Variants in KRT8 observed in about 807,000 individuals in gnomAD.
KRT8 encodes keratin, type II cytoskeletal 8.
A neutral mutation model predicts 43.0 loss-of-function variants in KRT8; 24 were observed. That is an observed-to-expected ratio of 0.56 (90% CI 0.40 to 0.78). The LOEUF is 0.78. Among genes scored for constraint, KRT8 ranks in the 30% least tolerant of loss-of-function variants. KRT8 has a pLI of 0.00. For synonymous variants in KRT8, 214 were observed against 261.2 expected (o/e 0.82, Z 1.74); for missense variants, 492 against 638.4 (o/e 0.77, Z 2.47).
upstream of KRT8, chr12:52,906,560 C>G (rs1319637501): frequency 2.5e-6 from 1 of 395,424 alleles, no homozygotes; most frequent in Non-Finnish European, 5.1e-6. Context: ...GCAAGGCACC[C>G]CAGGCCTGGG....
At chr12:52,906,292 G>C (rs1227276852), upstream of KRT8, among the ~76,000 whole-genome samples, 2 of 152,122 alleles carry the variant, frequency 1.3e-5, no homozygotes, top group African/African-American at 4.8e-5. Flanking sequence ...GGACTTCATA[G>C]TTCTTGCTCT....
intron 1 of KRT8, among the ~76,000 whole-genome samples, chr12:52,903,154 A>C (rs1318855771): frequency 2.6e-5 from 4 of 152,206 alleles, no homozygotes; most frequent in Non-Finnish European, 5.9e-5. Flanking sequence ...TTTAAAAAAA[A>C]GTGATTATAA....
At position 52,903,146 on chromosome 12, in the gene KRT8, T is replaced by A. The variant is rs1004022000; in HGVS notation, c.325-1074A>T. On this transcript the variant is annotated intron_variant, in intron 1 of 7. Transcript: ENST00000692008. ...GTCATTCTGCCCCAAAATTATTTTT[T>A]AAAAAAAAGTGATTATAACATCTTA... Among the ~76,000 whole-genome samples, 57 of 152,132 alleles carry A rather than the reference T, an allele frequency of 3.7e-4. 1 individual carries two copies. The highest frequency in any genetic ancestry group is 1.1e-3 in the African/African-American group (47 of 41,524).
At chr12:52,900,232 C>A (rs1362174392) in intron 4 of KRT8, among the ~76,000 whole-genome samples, 167 bp from the exon 5 acceptor site, 6 of 152,024 alleles carry the variant, frequency 3.9e-5, no homozygotes, top group African/African-American at 1.2e-4. Context: ...ACTGGGTGCA[C>A]CAATACTAGG....
At chr12:52,900,773 C>T in intron 3 of KRT8, 90 bp from the exon 4 acceptor site, 1 of 868,616 alleles carries the variant, frequency 1.2e-6, no homozygotes, top group South Asian at 1.3e-5. Flanking sequence ...GGCCTGGTCA[C>T]AGGACTTTCT....
chr12:52,900,760 A>G (rs1359729990), intron 3 of KRT8, 77 bp from the exon 4 acceptor site: 3 of 969,462 alleles, frequency 3.1e-6, no homozygotes, highest in Non-Finnish European at 3.3e-6. Context: ...AGGTCCACCC[A>G]ATGGCCTGGT....
intron 2 of KRT8, among the ~76,000 whole-genome samples, chr12:52,919,174 C>T (rs190582335): frequency 2.0e-5 from 3 of 152,348 alleles, no homozygotes; most frequent in Admixed American, 6.5e-5. Flanking sequence ...CTTTCCCCAA[C>T]TCTCAACCCA....
At chr12:52,921,588 CTCTT>C (rs1941887361) in intron 2 of KRT8, among the ~76,000 whole-genome samples, 1 of 152,104 alleles carries the variant, frequency 6.6e-6, no homozygotes, top group Admixed American at 6.6e-5. Flanking sequence ...TCCTTCCTCT[CTCTT>C]TGTGTCCCTC....
chr12:52,945,077 G>T (rs1942323463), intron 2 of KRT8, among the ~76,000 whole-genome samples: 1 of 152,256 alleles, frequency 6.6e-6, no homozygotes, highest in Non-Finnish European at 1.5e-5. Context: ...AGTATTTACG[G>T]AGCTCCACCT....
intron 1 of KRT8, 92 bp from the exon 2 acceptor site, chr12:52,902,164 C>T (rs953825906): frequency 2.5e-6 from 2 of 799,748 alleles, no homozygotes; most frequent in African/African-American, 3.4e-5. Flanking sequence ...TAATTCACTC[C>T]TCAAGCAGTA....
upstream of KRT8, among the ~76,000 whole-genome samples, chr12:52,906,254 G>C (rs760661581): frequency 1.7e-4 from 26 of 152,222 alleles, no homozygotes; most frequent in Non-Finnish European, 7.4e-5. Context: ...GGGTTGGGGG[G>C]GGCAAGAGGA....
intron 4 of KRT8, 86 bp from the exon 5 acceptor site, chr12:52,900,151 G>C: frequency 7.2e-7 from 1 of 1,392,648 alleles, no homozygotes; most frequent in Non-Finnish European, 9.9e-7. Context: ...TAGGGTATAA[G>C]ACAGGGGCAG....
Position 52,901,299 on chromosome 12 carries a change from T to C in KRT8, c.534-80A>G, listed in dbSNP as rs1004418523. The C allele has an allele frequency of 1.3e-5, 13 of 984,360 alleles. No homozygotes were observed. The African/African-American group carries it at 1.9e-4, about 14-fold the overall frequency. 61.0% of individuals were successfully genotyped at this position (984,360 alleles called of 1,614,324 possible). Reference sequence around the variant, plus strand: ...GGTCTTTTGGGAGACAGGGGCGTTGTGAAAATCAGGAAAATTCAGTTCACA... The same window carrying C: ...GGTCTTTTGGGAGACAGGGGCGTTGCGAAAATCAGGAAAATTCAGTTCACA... On this transcript the variant is annotated intron_variant, in intron 2 of 7. Coordinates refer to ENST00000692008, the Ensembl canonical transcript of KRT8.
chr12:52,938,170 A>ATATATT lies in KRT8; in HGVS notation c.-47+11285_-47+11286insAATATA, dbSNP rs1555189967. On this transcript the variant is annotated intron_variant, in intron 2 of 6. Coordinates refer to the KRT8 transcript ENST00000546826. ...TATATATATATATATATATATATAT[A>ATATATT]TTTTTTTTTTTTTTTATATATAAGG... Among the ~76,000 whole-genome samples the ATATATT allele has an allele frequency of 2.7e-3, 81 of 30,260 alleles. 2 individuals carry two copies. Among genetic ancestry groups the ATATATT allele is most frequent in the Admixed American group, 6.4e-3 (15 of 2,350 alleles). 19.9% of individuals were successfully genotyped at this position (30,260 alleles called of 152,430 possible). A position where few individuals can be genotyped will look rare whatever the true frequency, so the allele number is the denominator to read the frequency against.
chr12:52,913,034 T>C (rs2120620084), intron 2 of KRT8, among the ~76,000 whole-genome samples: 1 of 152,334 alleles, frequency 6.6e-6, no homozygotes, highest in African/African-American at 2.4e-5. Context: ...GTTAAAGGCC[T>C]GCCTGCCTTG....
intron 5 of KRT8, 91 bp from the exon 6 acceptor site, chr12:52,898,990 C>A: frequency 8.9e-7 from 1 of 1,127,078 alleles, no homozygotes. Context: ...TCCCCACCAC[C>A]ACCTAGGCTG....
chr12:52,898,293 G>T (rs550766445), intron 7 of KRT8, among the ~76,000 whole-genome samples, 168 bp downstream of exon 7: 3 of 152,202 alleles, frequency 2.0e-5, no homozygotes, highest in Non-Finnish European at 2.9e-5. Context: ...AAGTAATAAA[G>T]TTATTACTGG....
At position 52,947,538 on chromosome 12, in the gene KRT8, C is replaced by T. The variant is rs189772525; in HGVS notation, c.-47+1918G>A. 1.1e-3 allele frequency: 162 copies of T among 152,166 alleles called. 1 individual carries two copies. The highest frequency in any genetic ancestry group is 1.7e-3 in the Non-Finnish European group (113 of 68,148). 9.4% of individuals were successfully genotyped at this position (152,166 alleles called of 1,614,324 possible). ...TCTGGTTGCCCAGGCTGGAGCGCGA[C>T]GGCACGATCTTGGCTCACTGCAACC... On this transcript the variant is annotated intron_variant, in intron 2 of 6. Coordinates refer to the KRT8 transcript ENST00000546826.
At chr12:52,936,970 A>G (rs1478981486) in intron 2 of KRT8, among the ~76,000 whole-genome samples, 2 of 152,238 alleles carry the variant, frequency 1.3e-5, no homozygotes, top group Non-Finnish European at 2.9e-5. Flanking sequence ...TTTCATGAAG[A>G]AGAACTTGAA....
Sources: gnomAD v4.1 joint callset for allele counts (sites outside exome capture counted in the v4.1 genomes callset) on GRCh38, gnomAD v4.1.1 for gene constraint, MANE v1.5 for transcripts, NCBI Gene and HGNC (gene_info 2026-07-23, HGNC 2026-07-21) for gene names.